TTC6: variants seen among roughly 807,000 people sequenced by gnomAD.
The protein encoded by TTC6 is tetratricopeptide repeat domain 6, also known as tetratricopeptide repeat protein 6.
In TTC6, 172 loss-of-function variants were observed where a neutral mutation model predicts 210.4. The ratio of observed to expected loss-of-function variants is 0.82; its 90% CI spans 0.72 to 0.93. The LOEUF (loss-of-function observed/expected upper bound fraction) is 0.93. TTC6 is among the 40% of genes least tolerant of loss of function. TTC6 has a pLI of 0.00. For synonymous variants in TTC6, 804 were observed against 819.6 expected (o/e 0.98, Z 0.32); for missense variants, 2,414 against 2,318.1 (o/e 1.04, Z -0.85).
intron 14 of TTC6, among the ~76,000 whole-genome samples, chr14:37,771,600 T>C (rs1327825209): frequency 6.6e-6 from 1 of 152,218 alleles, no homozygotes; most frequent in Non-Finnish European, 1.5e-5. Flanking sequence ...TTGCATTGGC[T>C]CCTGAGGCTT....
chr14:37,827,041 T>A (rs2096173454), intron 28 of TTC6, among the ~76,000 whole-genome samples, 155 bp from the exon 31 acceptor site: 1 of 152,072 alleles, frequency 6.6e-6, no homozygotes, highest in Non-Finnish European at 1.5e-5. Context: ...TCATACCAAC[T>A]CCTTTCTCAA....
At chr14:37,839,916 A>G (rs1003830207) in intron 29 of TTC6, among the ~76,000 whole-genome samples, 1 of 152,122 alleles carries the variant, frequency 6.6e-6, no homozygotes, top group Non-Finnish European at 1.5e-5. Context: ...TCCTTTCCCC[A>G]TTTCTTGTTT....
intron 7 of TTC6, among the ~76,000 whole-genome samples, chr14:37,726,370 C>A (rs1287968837): frequency 2.0e-5 from 3 of 152,100 alleles, no homozygotes; most frequent in Admixed American, 6.6e-5. Context: ...TTCCTGCAAC[C>A]AAGGCATGGA....
At chr14:37,611,161 C>T (rs1052639683) in intron 2 of TTC6, 1 of 152,336 alleles carries the variant, frequency 6.6e-6, no homozygotes, top group African/African-American at 2.4e-5. Flanking sequence ...GCTGGGGGCT[C>T]CTACAGGGCA....
chr14:37,693,771 C>A (rs1230144089), intron 3 of TTC6, among the ~76,000 whole-genome samples: 1 of 151,694 alleles, frequency 6.6e-6, no homozygotes, highest in Admixed American at 6.6e-5. Flanking sequence ...GAACAGAATA[C>A]AGTACACACC....
intron 1 of TTC6, among the ~76,000 whole-genome samples, chr14:37,602,743 C>T (rs1387087547): frequency 1.3e-5 from 2 of 152,144 alleles, no homozygotes; most frequent in African/African-American, 2.4e-5. Flanking sequence ...CCCCAGTCAC[C>T]GCGGTGGGGG....
chr14:37,605,890 C>A (rs2095624205), intron 1 of TTC6, among the ~76,000 whole-genome samples: 1 of 150,076 alleles, frequency 6.7e-6, no homozygotes, highest in African/African-American at 2.5e-5. Context: ...TAGTTTTATT[C>A]ACAGGTTTTT....
At chr14:37,827,288 A>G in exon 29 of TTC6, 2 of 1,613,318 alleles carry the variant, frequency 1.2e-6, no homozygotes, top group Non-Finnish European at 1.7e-6. Context: ...ACCAAGATGC[A>G]ATTACTCTAA....
At chr14:37,636,646 A>G (rs1229200334) in intron 1 of TTC6, among the ~76,000 whole-genome samples, 2 of 152,208 alleles carry the variant, frequency 1.3e-5, no homozygotes, top group African/African-American at 2.4e-5. Context: ...CTAAATGTAT[A>G]CATTAGGAAA....
chr14:37,627,341 C>T (rs1158574399), intron 1 of TTC6, among the ~76,000 whole-genome samples: 1 of 150,982 alleles, frequency 6.6e-6, no homozygotes, highest in African/African-American at 2.4e-5. Flanking sequence ...ACTTTAAGTT[C>T]TGGGATACAT....
intron 14 of TTC6, among the ~76,000 whole-genome samples, chr14:37,762,882 C>CTTTTTT (rs369694046): frequency 9.3e-5 from 12 of 129,592 alleles, no homozygotes; most frequent in Non-Finnish European, 1.1e-4. Flanking sequence ...CTTTTCTTTT[C>CTTTTTT]TTTTTTTTTT....
chr14:37,841,599 T>C, exon 30 of TTC6: 1 of 1,605,922 alleles, frequency 6.2e-7, no homozygotes, highest in South Asian at 1.1e-5. Context: ...TGGGCTGCAG[T>C]ATATTTTAAT....
chr14:37,642,260 C>T (rs949243994), intron 1 of TTC6, among the ~76,000 whole-genome samples: 1 of 152,168 alleles, frequency 6.6e-6, no homozygotes, highest in Non-Finnish European at 1.5e-5. Flanking sequence ...TCATAGTGCC[C>T]TGTGGTGTTG....
At chr14:37,840,873 T>C (rs1208886912) in intron 29 of TTC6, among the ~76,000 whole-genome samples, 2 of 147,326 alleles carry the variant, frequency 1.4e-5, no homozygotes, top group Non-Finnish European at 3.0e-5. Context: ...GGGAGGATTT[T>C]TTTTTTTTTT....
chr14:37,792,818 GTA>G (rs1283197652), intron 17 of TTC6, among the ~76,000 whole-genome samples: 1 of 146,340 alleles, frequency 6.8e-6, no homozygotes, highest in African/African-American at 2.6e-5. Flanking sequence ...GTGTGTGTGT[GTA>G]CAGGTGAGTA....
At chr14:37,682,765 A>G (rs2095786679) in exon 3 of TTC6, 3 of 1,535,462 alleles carry the variant, frequency 2.0e-6, no homozygotes, top group Admixed American at 2.0e-5. Context: ...CAGAGCGTGC[A>G]TAAGGAACTT....
chr14:37,764,903 T>G (rs2139128987), intron 14 of TTC6, among the ~76,000 whole-genome samples: 1 of 151,732 alleles, frequency 6.6e-6, no homozygotes, highest in East Asian at 1.9e-4. Context: ...TATTGTATAT[T>G]TTTTGTTTTT....
At chr14:37,828,067 A>C (rs1002463864) in intron 29 of TTC6, among the ~76,000 whole-genome samples, 1 of 151,904 alleles carries the variant, frequency 6.6e-6, no homozygotes, top group African/African-American at 2.4e-5. Flanking sequence ...ACTTTTTCCA[A>C]ATTTCTGCCA....
In TTC6 at chr14:37,622,135, AAGTTCGGC is replaced by A; in HGVS notation, c.74_81del (p.Val25GlyfsTer3). ...TCGTATATGTTTAAAGAGCTTGAGA[AAGTTCGGC>A]AGGAAACTAAAAAGGATTTTCTCCG... On this transcript the variant is annotated frameshift_variant, in exon 1 of 31. Coordinates refer to ENST00000553443, the Ensembl canonical transcript of TTC6. LOFTEE classifies it high-confidence loss of function. The A allele has an allele frequency of 6.5e-7, 1 of 1,535,566 alleles. No homozygotes were observed. Among genetic ancestry groups the A allele is most frequent in the Non-Finnish European group, 8.7e-7 (1 of 1,146,692 alleles).
Sources: gnomAD v4.1 joint callset for allele counts (sites outside exome capture counted in the v4.1 genomes callset) on GRCh38, gnomAD v4.1.1 for gene constraint, MANE v1.5 for transcripts, NCBI Gene and HGNC (gene_info 2026-07-23, HGNC 2026-07-21) for gene names.